APP: variants seen among roughly 807,000 people sequenced by gnomAD.
APP encodes the protein amyloid beta precursor protein, also known as amyloid-beta precursor protein.
A neutral mutation model predicts 101.4 loss-of-function variants in APP; 31 were observed. That is an observed-to-expected ratio of 0.31 (90% CI 0.23 to 0.41). APP has a LOEUF of 0.41. APP is among the 10% of genes least tolerant of loss of function. APP has a pLI of 1.00. For synonymous variants in APP, 366 were observed against 364.4 expected (o/e 1.00, Z -0.05); for missense variants, 839 against 1,003.7 (o/e 0.84, Z 2.22).
rs2830073 is a variant in APP, at chr21:26,128,825, T to A, written c.58-16679A>T. On this transcript the variant is annotated intron_variant, in intron 1 of 17. Transcript: ENST00000346798. The stretch of plus-strand genomic sequence containing the variant: ...CACTTCCATTGTGACACATTTAACA[T>A]GCTTGGAACTGAATTTGAAAAATGT... Among the ~76,000 whole-genome samples, 21 of 152,148 alleles carry A rather than the reference T, an allele frequency of 1.4e-4. No homozygotes were observed. The South Asian group carries it at 4.1e-3, about 30-fold the overall frequency.
chr21:26,096,212 GT>G (rs1390363084), intron 2 of APP, among the ~76,000 whole-genome samples: 1 of 152,216 alleles, frequency 6.6e-6, no homozygotes. Context: ...CTTACAGAAT[GT>G]TTTCTGGTAT....
At chr21:26,085,272 A>G (rs146948756) in intron 3 of APP, among the ~76,000 whole-genome samples, 2 of 152,322 alleles carry the variant, frequency 1.3e-5, no homozygotes, top group African/African-American at 4.8e-5. Flanking sequence ...AATGCCCAGC[A>G]ATTCTGGTCA....
chr21:26,043,008 T>C (rs1357541730), intron 5 of APP, among the ~76,000 whole-genome samples: 1 of 152,160 alleles, frequency 6.6e-6, no homozygotes, highest in African/African-American at 2.4e-5. Context: ...AAAGGTGACA[T>C]TTTGTACCTC....
At chr21:25,930,303 C>T (rs2040085866) in intron 13 of APP, among the ~76,000 whole-genome samples, 1 of 152,140 alleles carries the variant, frequency 6.6e-6, no homozygotes, top group African/African-American at 2.4e-5. Context: ...CTGGGGCGGG[C>T]CCAAGCAAAT....
At chr21:26,153,056 A>G (rs1260996800) in intron 1 of APP, among the ~76,000 whole-genome samples, 2 of 152,206 alleles carry the variant, frequency 1.3e-5, no homozygotes, top group African/African-American at 4.8e-5. Flanking sequence ...GAAAACCAAA[A>G]ACCGTATGTT....
At chr21:26,108,355 A>G (rs1027486069) in intron 2 of APP, among the ~76,000 whole-genome samples, 2 of 152,262 alleles carry the variant, frequency 1.3e-5, no homozygotes, top group African/African-American at 4.8e-5. Context: ...TTCTCACATT[A>G]TATCTTTGAG....
chr21:25,893,406 T>C (rs1406904109), intron 16 of APP, among the ~76,000 whole-genome samples: 2 of 152,350 alleles, frequency 1.3e-5, no homozygotes, highest in East Asian at 3.9e-4. Flanking sequence ...GCAAGGCATA[T>C]TGAAAGCCAA....
At chr21:26,142,094 T>C (rs1472122227) in intron 1 of APP, among the ~76,000 whole-genome samples, 1 of 152,064 alleles carries the variant, frequency 6.6e-6, no homozygotes, top group Non-Finnish European at 1.5e-5. Flanking sequence ...ATCTCAGGGG[T>C]AGGGTATGCA....
intron 13 of APP, among the ~76,000 whole-genome samples, chr21:25,914,847 C>T (rs1270902302): frequency 6.6e-6 from 1 of 152,200 alleles, no homozygotes; most frequent in African/African-American, 2.4e-5. Flanking sequence ...GCCACTGCAC[C>T]CGGCTTGATC....
At chr21:25,924,419 A>AAAAG (rs1323131421) in intron 13 of APP, among the ~76,000 whole-genome samples, 4 of 100,886 alleles carry the variant, frequency 4.0e-5, no homozygotes, top group African/African-American at 1.2e-4. Context: ...TACAAAAAAA[A>AAAAG]AAAAAAAAGG....
rs186218304 is a variant in APP at position 25,931,770 on chromosome 21, A to T, written c.1688-19808T>A. ...AGTTTAATCTACGAAAAGAGAAAAT[A>T]TGGGGGAGAAAGGTTCTGTTTACAC... On this transcript the variant is annotated intron_variant, in intron 13 of 17. Transcript: ENST00000346798. Among the ~76,000 whole-genome samples, 45 of 152,310 alleles carry T rather than the reference A, an allele frequency of 3.0e-4. No homozygotes were observed. The East Asian group carries it at 7.1e-3, about 24-fold the overall frequency.
intron 15 of APP, among the ~76,000 whole-genome samples, chr21:25,901,503 C>T (rs181497038): frequency 6.6e-6 from 1 of 152,022 alleles, no homozygotes; most frequent in African/African-American, 2.4e-5. Flanking sequence ...TATAATAGTT[C>T]ATGTTTGTTT....
chr21:25,967,440 T>C (rs765091039), intron 11 of APP, among the ~76,000 whole-genome samples: 2 of 152,220 alleles, frequency 1.3e-5, no homozygotes, highest in Non-Finnish European at 2.9e-5. Context: ...TGATGAAAGA[T>C]TTAGACTAAG....
chr21:26,103,381 G>T (rs1034361853), intron 2 of APP, among the ~76,000 whole-genome samples: 8 of 152,102 alleles, frequency 5.3e-5, no homozygotes, highest in African/African-American at 1.9e-4. Flanking sequence ...GGCCGAGGCA[G>T]GTAAATCACT....
At chr21:26,050,080 G>A (rs1384131242) in intron 5 of APP, among the ~76,000 whole-genome samples, 1 of 152,108 alleles carries the variant, frequency 6.6e-6, no homozygotes. Flanking sequence ...TGTGGTCCCA[G>A]TGTTCTAGCT....
intron 9 of APP, among the ~76,000 whole-genome samples, chr21:25,976,602 C>T (rs912603337): frequency 2.0e-5 from 3 of 152,188 alleles, no homozygotes; most frequent in Non-Finnish European, 2.9e-5. Context: ...GCCCTTTGAG[C>T]TTGCCAACCT....
At chr21:26,015,376 A>G (rs1165080133) in intron 6 of APP, among the ~76,000 whole-genome samples, 2 of 152,178 alleles carry the variant, frequency 1.3e-5, no homozygotes, top group African/African-American at 4.8e-5. Context: ...CAAAATAGTT[A>G]AATATTGGAT....
intron 6 of APP, among the ~76,000 whole-genome samples, chr21:26,009,057 T>C (rs2043665903): frequency 6.6e-6 from 1 of 152,214 alleles, no homozygotes; most frequent in Non-Finnish European, 1.5e-5. Flanking sequence ...ATAACTCGAA[T>C]GGATATCTCA....
intron 6 of APP, among the ~76,000 whole-genome samples, chr21:26,005,849 G>A (rs2043508770): frequency 6.6e-6 from 1 of 152,116 alleles, no homozygotes; most frequent in Non-Finnish European, 1.5e-5. Flanking sequence ...ACTAAATGTA[G>A]AGGATGCAAA....
Sources: allele counts gnomAD v4.1 joint callset (sites outside exome capture counted in the v4.1 genomes callset), GRCh38; gene constraint gnomAD v4.1.1; transcripts MANE v1.5; gene names NCBI Gene and HGNC (gene_info 2026-07-23, HGNC 2026-07-21).